The following CFAP299 variants were observed in gnomAD, a reference collection of about 807,000 sequenced individuals.
CFAP299 encodes cilia and flagella associated protein 299.
Under a neutral mutation model 27.0 loss-of-function variants are expected in CFAP299, and 21 were observed. That is an observed-to-expected ratio of 0.78 (90% CI 0.55 to 1.12). The LOEUF (loss-of-function observed/expected upper bound fraction) is 1.12, where lower values mean the gene tolerates loss of function less well. CFAP299 is among the 50% of genes most tolerant of loss of function. The pLI is 0.00. For missense variants in CFAP299, 310 were observed against 276.6 expected, an observed-to-expected ratio of 1.12 and a Z score of -0.86; for synonymous variants, 104 against 98.1, an observed-to-expected ratio of 1.06 and a Z score of -0.36.
chr4:80,887,052 A>C (rs1421720528), intron 4 of CFAP299, among the ~76,000 whole-genome samples: 1 of 152,160 alleles, frequency 6.6e-6, no homozygotes, highest in African/African-American at 2.4e-5. Flanking sequence ...AAAGAAAAAA[A>C]ATAAACAATG....
chr4:80,866,920 A>C (rs1390078056), intron 3 of CFAP299, among the ~76,000 whole-genome samples: 1 of 152,230 alleles, frequency 6.6e-6, no homozygotes, highest in Non-Finnish European at 1.5e-5. Context: ...TTTACTTACA[A>C]GAACAATGAA....
intron 2 of CFAP299, among the ~76,000 whole-genome samples, chr4:80,529,841 T>A (rs1733381690): frequency 6.6e-6 from 1 of 151,818 alleles, no homozygotes; most frequent in Non-Finnish European, 1.5e-5. Context: ...AGGTAACACA[T>A]CAAATCTGCA....
chr4:80,873,055 T>C, intron 4 of CFAP299: 1 of 948,094 alleles, frequency 1.1e-6, no homozygotes, highest in South Asian at 4.9e-5. Flanking sequence ...TTGGAAGTCA[T>C]AAATATACTG....
chr4:80,789,607 A>G (rs1301842479), intron 3 of CFAP299, among the ~76,000 whole-genome samples: 1 of 152,024 alleles, frequency 6.6e-6, no homozygotes, highest in Non-Finnish European at 1.5e-5. Flanking sequence ...TATTAGCATG[A>G]ACTATGTTTA....
chr4:80,953,090 C>G (rs1190464272), intron 5 of CFAP299, among the ~76,000 whole-genome samples: 3 of 152,186 alleles, frequency 2.0e-5, no homozygotes, highest in Admixed American at 6.5e-5. Context: ...AACAAACAAA[C>G]AAAAAGCTGA....
At chr4:80,369,878 G>T (rs897361376) in intron 2 of CFAP299, among the ~76,000 whole-genome samples, 1 of 152,158 alleles carries the variant, frequency 6.6e-6, no homozygotes, top group Non-Finnish European at 1.5e-5. Flanking sequence ...GATAGTGCAT[G>T]CATAATATGA....
chr4:80,748,203 T>C (rs1724730528), intron 3 of CFAP299, among the ~76,000 whole-genome samples: 1 of 152,160 alleles, frequency 6.6e-6, no homozygotes, highest in Non-Finnish European at 1.5e-5. Context: ...AAGTAACACA[T>C]GACTATATTT....
chr4:80,720,199 C>T (rs915180987), intron 3 of CFAP299, among the ~76,000 whole-genome samples: 3 of 152,226 alleles, frequency 2.0e-5, no homozygotes, highest in African/African-American at 4.8e-5. Flanking sequence ...AGGACCCCCC[C>T]TCAAGAACTG....
intron 1 of CFAP299, among the ~76,000 whole-genome samples, chr4:80,359,465 T>C (rs1326782748): frequency 1.3e-5 from 2 of 152,200 alleles, no homozygotes; most frequent in Non-Finnish European, 2.9e-5. Context: ...AATGAGTCCA[T>C]AGATTCCATC....
chr4:80,819,797 T>C (rs1729607346), intron 3 of CFAP299, among the ~76,000 whole-genome samples: 1 of 152,160 alleles, frequency 6.6e-6, no homozygotes, highest in Admixed American at 6.5e-5. Context: ...CAGTCTTATA[T>C]TAAGCTTAGA....
intron 2 of CFAP299, among the ~76,000 whole-genome samples, chr4:80,417,510 T>TGG (rs952981434): frequency 3.9e-5 from 6 of 152,128 alleles, no homozygotes; most frequent in Non-Finnish European, 5.9e-5. Flanking sequence ...GTCCTGAGCG[T>TGG]GGTATTGGTA....
At chr4:80,935,302 A>G (rs964469372) in intron 4 of CFAP299, among the ~76,000 whole-genome samples, 1 of 152,090 alleles carries the variant, frequency 6.6e-6, no homozygotes, top group African/African-American at 2.4e-5. Context: ...ACATTACCTA[A>G]CTTCAAACTA....
intron 3 of CFAP299, among the ~76,000 whole-genome samples, chr4:80,620,522 G>A (rs570660772): frequency 6.6e-6 from 1 of 152,184 alleles, no homozygotes; most frequent in South Asian, 2.1e-4. Context: ...TGGATTTTCT[G>A]TTTGCTTTAC....
intron 3 of CFAP299, among the ~76,000 whole-genome samples, chr4:80,864,453 TATAA>T (rs1732576425): frequency 6.9e-6 from 1 of 145,240 alleles, no homozygotes; most frequent in East Asian, 2.0e-4. Flanking sequence ...TATATACCTA[TATAA>T]GTATATATAT....
intron 2 of CFAP299, among the ~76,000 whole-genome samples, chr4:80,539,335 A>AT (rs1431427448): frequency 6.6e-6 from 1 of 152,224 alleles, no homozygotes; most frequent in Non-Finnish European, 1.5e-5. Context: ...GGGACATGTC[A>AT]TGCCACACAG....
chr4:80,587,705 C>T (rs945097254), intron 3 of CFAP299, among the ~76,000 whole-genome samples: 3 of 152,066 alleles, frequency 2.0e-5, no homozygotes, highest in Admixed American at 6.5e-5. Flanking sequence ...TATCCTCCCA[C>T]CTCAGCCTCC....
At chr4:80,420,160 G>A (rs1727222886) in intron 2 of CFAP299, 1 of 455,426 alleles carries the variant, frequency 2.2e-6, no homozygotes, top group African/African-American at 2.0e-5. Context: ...AAACCTCACA[G>A]GTAGCAGCTG....
chr4:80,690,546 G>A (rs1219517142), intron 3 of CFAP299, among the ~76,000 whole-genome samples: 6 of 151,794 alleles, frequency 4.0e-5, no homozygotes, highest in Non-Finnish European at 8.8e-5. Context: ...TCAAAGCAGT[G>A]TGTAGAGGGA....
chr4:80,671,315 T>C (rs1741468693), intron 3 of CFAP299, among the ~76,000 whole-genome samples: 1 of 152,236 alleles, frequency 6.6e-6, no homozygotes, highest in African/African-American at 2.4e-5. Flanking sequence ...CGTGGTGTTC[T>C]TTCTGAGGCC....
Sources: allele counts gnomAD v4.1 joint callset (sites outside exome capture counted in the v4.1 genomes callset), GRCh38; gene constraint gnomAD v4.1.1; transcripts MANE v1.5; gene names NCBI Gene and HGNC (gene_info 2026-07-23, HGNC 2026-07-21).